LRRC53: variants seen among roughly 807,000 people sequenced by gnomAD.
LRRC53 encodes leucine rich repeat containing 53, also known as leucine-rich repeat-containing protein 53.
LRRC53 carries 25 observed loss-of-function variants against 13.6 expected under a neutral mutation model. The observed-to-expected ratio is 1.83, with a 90% CI of 1.34 to 2.56. The LOEUF is 2.56. Among genes scored for constraint, LRRC53 ranks in the 30% most tolerant of loss-of-function variants. The pLI is 0.00. For missense variants in LRRC53, 527 were observed against 275.8 expected (o/e 1.91, Z -6.45); for synonymous variants, 204 against 109.8 (o/e 1.86, Z -5.37).
chr1:74,472,632 C>T (rs899914201), intron 4 of LRRC53, among the ~76,000 whole-genome samples: 13 of 151,792 alleles, frequency 8.6e-5, no homozygotes, highest in African/African-American at 3.1e-4. Flanking sequence ...TTCAGATAAT[C>T]AATAATAAGA....
chr1:74,529,966 G>GT, the LRRC53 span, among the ~76,000 whole-genome samples: 34 of 152,110 alleles, frequency 2.2e-4, 1 homozygote, highest in South Asian at 8.3e-4. Context: ...ATGCCTATGG[G>GT]TTTTTTTCCT....
upstream of LRRC53, among the ~76,000 whole-genome samples, chr1:74,515,339 A>T (rs1426582685): frequency 6.6e-6 from 1 of 152,070 alleles, no homozygotes; most frequent in African/African-American, 2.4e-5. Flanking sequence ...ATCATTTGGG[A>T]CTATGCGGAA....
At chr1:74,522,569 A>G in the LRRC53 span, among the ~76,000 whole-genome samples, 1 of 152,148 alleles carries the variant, frequency 6.6e-6, no homozygotes, top group East Asian at 1.9e-4. Flanking sequence ...CATGAAAAAG[A>G]GAGAATCTGT....
the LRRC53 span, among the ~76,000 whole-genome samples, chr1:74,525,670 C>A: frequency 6.6e-6 from 1 of 152,216 alleles, no homozygotes; most frequent in Non-Finnish European, 1.5e-5. Flanking sequence ...CATATCAAAG[C>A]TTAATAAATA....
chr1:74,471,045 A>G lies in LRRC53; in HGVS notation c.2577T>C (p.Thr859=). Residue 859 remains threonine (T), a synonymous_variant, in exon 5 of 5, where the codon ACT becomes ACC. Coordinates refer to ENST00000294635, the MANE Select transcript of LRRC53 (RefSeq NM_001382280.1). ...EHRHSHSQFS[T]EQMEDATQLE... ...GCTGAGTTGCATCTTCCATTTGCTCAGTTGAGAATTGAGAATGTGAGTGCC... is the reference window on the plus strand; with the variant it reads ...GCTGAGTTGCATCTTCCATTTGCTCGGTTGAGAATTGAGAATGTGAGTGCC... The G allele has an allele frequency of 2.5e-6, 1 of 400,686 alleles. No individual in the cohort carries two copies. Among genetic ancestry groups the G allele is most frequent in the Admixed American group, 4.4e-5 (1 of 22,734 alleles). 24.8% of individuals were successfully genotyped at this position (400,686 alleles called of 1,614,324 possible).
intron 1 of LRRC53, among the ~76,000 whole-genome samples, chr1:74,485,986 G>A (rs531747368): frequency 6.6e-6 from 1 of 152,246 alleles, no homozygotes; most frequent in African/African-American, 2.4e-5. Flanking sequence ...AAAGGACCCG[G>A]CTAATCTATA....
At chr1:74,482,241 A>G (rs1281954152) in intron 2 of LRRC53, among the ~76,000 whole-genome samples, 1 of 152,204 alleles carries the variant, frequency 6.6e-6, no homozygotes, top group Non-Finnish European at 1.5e-5. Context: ...GTCTAGACAG[A>G]AACCCCACTC....
chr1:74,499,246 A>G (rs1273087520), intron 1 of LRRC53, among the ~76,000 whole-genome samples: 2 of 152,206 alleles, frequency 1.3e-5, no homozygotes, highest in Non-Finnish European at 2.9e-5. Flanking sequence ...GGCTCAAGCA[A>G]TCCTCCTGCC....
intron 1 of LRRC53, among the ~76,000 whole-genome samples, chr1:74,511,487 G>A (rs576601585): frequency 6.6e-5 from 10 of 152,114 alleles, no homozygotes; most frequent in African/African-American, 2.2e-4. Flanking sequence ...TTACTTACAG[G>A]TGGAAAACAC....
chr1:74,525,104 G>T, the LRRC53 span, among the ~76,000 whole-genome samples: 133 of 152,270 alleles, frequency 8.7e-4, no homozygotes, highest in Non-Finnish European at 1.6e-3. Flanking sequence ...ACTAAAGAGG[G>T]CACTTAACCA....
the LRRC53 span, among the ~76,000 whole-genome samples, chr1:74,536,565 G>A: frequency 2.0e-5 from 3 of 151,836 alleles, no homozygotes; most frequent in East Asian, 3.9e-4. Flanking sequence ...ATTTGAATTA[G>A]CACTAAAATA....
chr1:74,480,824 T>C lies in LRRC53; in HGVS notation c.233A>G (p.His78Arg). ...CAAGGTCCGCAACATCGTAAGCCCA[T>C]GCAGGGCATCTTCCTGAACATCCTC... is the stretch of plus-strand genomic sequence containing the variant. The part of the protein sequence containing the change: ...GIEDVQEDAL[H>R]GLTMLRTLLL... The change falls in exon 3 of 5, where the codon CAT (histidine) becomes CGT (arginine). Residue 78 changes from histidine (H) to arginine (R), a missense_variant. Transcript: ENST00000294635. 1.4e-6 allele frequency: 1 copy of C among 717,612 alleles called. No homozygotes were observed. The highest frequency in any genetic ancestry group is 2.7e-5 in the East Asian group (1 of 37,282). 44.5% of individuals were successfully genotyped at this position (717,612 alleles called of 1,614,324 possible). A position where few individuals can be genotyped will look rare whatever the true frequency, so the allele number is the denominator to read the frequency against.
chr1:74,489,379 A>G, intron 1 of LRRC53: 1 of 844,726 alleles, frequency 1.2e-6, no homozygotes, highest in East Asian at 2.9e-5. Flanking sequence ...TATTTGCCCT[A>G]TTCATTAAAT....
chr1:74,498,214 C>T (rs1669433030), intron 1 of LRRC53, among the ~76,000 whole-genome samples: 1 of 152,180 alleles, frequency 6.6e-6, no homozygotes, highest in African/African-American at 2.4e-5. Flanking sequence ...CTACCATCAA[C>T]CTATCACTGT....
chr1:74,517,107 G>A (rs1646360222), upstream of LRRC53, among the ~76,000 whole-genome samples: 1 of 152,104 alleles, frequency 6.6e-6, no homozygotes, highest in African/African-American at 2.4e-5. Context: ...TTTGGTAGAT[G>A]CTGTTCATTA....
At chr1:74,510,467 C>T (rs899979774) in intron 1 of LRRC53, among the ~76,000 whole-genome samples, 1 of 152,100 alleles carries the variant, frequency 6.6e-6, no homozygotes, top group African/African-American at 2.4e-5. Context: ...GACATCGCGC[C>T]ACTGCACTCT....
chr1:74,491,270 A>G (rs2100301332), intron 1 of LRRC53, among the ~76,000 whole-genome samples: 1 of 152,294 alleles, frequency 6.6e-6, no homozygotes, highest in Non-Finnish European at 1.5e-5. Context: ...TCCAGGCTGG[A>G]GTGCAGTGGC....
chr1:74,515,715 A>G (rs1437327226), upstream of LRRC53, among the ~76,000 whole-genome samples: 2 of 152,212 alleles, frequency 1.3e-5, no homozygotes, highest in East Asian at 3.8e-4. Flanking sequence ...ACACTGATGG[A>G]AATAACTAAA....
the LRRC53 span, among the ~76,000 whole-genome samples, chr1:74,532,119 G>A: frequency 0.5 from 76,601 of 151,832 alleles, 20,306 homozygotes; most frequent in East Asian, 0.73. Flanking sequence ...CATGCATGCA[G>A]CTTAAAAAAT....
Sources: allele counts gnomAD v4.1 joint callset (sites outside exome capture counted in the v4.1 genomes callset), GRCh38; gene constraint gnomAD v4.1.1; transcripts MANE v1.5; gene names NCBI Gene and HGNC (gene_info 2026-07-23, HGNC 2026-07-21).